FAM193A: variants seen among roughly 807,000 people sequenced by gnomAD.
FAM193A encodes protein FAM193A.
A neutral mutation model predicts 126.5 loss-of-function variants in FAM193A; 22 were observed. That is an observed-to-expected ratio of 0.17 (90% CI 0.12 to 0.25). FAM193A has a LOEUF of 0.25. Among genes scored for constraint, FAM193A ranks in the 10% least tolerant of loss-of-function variants. The probability of loss-of-function intolerance (pLI) is 1.00; values close to 1 mark genes in which losing one functional copy is unlikely to be tolerated. For missense variants in FAM193A, 1,675 were observed against 1,672.8 expected, an observed-to-expected ratio of 1.00 and a Z score of -0.02; for synonymous variants, 761 against 646.8, an observed-to-expected ratio of 1.18 and a Z score of -2.68.
intron 20 of FAM193A, chr4:2,720,171 A>G (rs1267758622): frequency 6.5e-6 from 1 of 154,370 alleles, no homozygotes; most frequent in Non-Finnish European, 1.5e-5. Flanking sequence ...TAGATCATGG[A>G]TCAGTAGATT....
chr4:2,658,013 A>C (rs1293425472), intron 8 of FAM193A, 133 bp downstream of exon 8: 1 of 675,714 alleles, frequency 1.5e-6, no homozygotes, highest in Admixed American at 2.6e-5. Context: ...GCCAGCGTTA[A>C]AAACTGTTCA....
At chr4:2,572,963 G>A (rs1739378949) in intron 1 of FAM193A, among the ~76,000 whole-genome samples, 1 of 151,994 alleles carries the variant, frequency 6.6e-6, no homozygotes, top group African/African-American at 2.4e-5. Flanking sequence ...TCTGACTTCA[G>A]AAATGATTTC....
In FAM193A at chr4:2,600,202, A is replaced by G. The variant is rs1463645101; in HGVS notation, c.501+3873A>G. Among the ~76,000 whole-genome samples the G allele has an allele frequency of 2.0e-5, 3 of 152,110 alleles. No individual in the cohort carries two copies. The South Asian group carries it at 6.2e-4, about 32-fold the overall frequency. On this transcript the variant is annotated intron_variant, in intron 2 of 20. Transcript: ENST00000637812. The stretch of plus-strand genomic sequence containing the variant: ...CGTGAGCCACTGCGCCTGACCTGCC[A>G]TAGTTCTTTGACCTCATCCATCCCT...
chr4:2,611,359 C>T (rs562274382), intron 2 of FAM193A, among the ~76,000 whole-genome samples: 2 of 152,270 alleles, frequency 1.3e-5, no homozygotes, highest in South Asian at 4.1e-4. Flanking sequence ...GCCTCCACCT[C>T]CCAGGTTCAA....
At chr4:2,650,764 C>T (rs1038830862) in intron 7 of FAM193A, among the ~76,000 whole-genome samples, 35 of 152,178 alleles carry the variant, frequency 2.3e-4, no homozygotes, top group African/African-American at 8.2e-4. Context: ...GCATAGGACC[C>T]TGCCTACCTT....
chr4:2,596,128 T>C lies in FAM193A; in HGVS notation c.300T>C (p.Pro100=). The C allele has an allele frequency of 1.4e-6, 1 of 702,980 alleles. No individual in the cohort carries two copies. Among genetic ancestry groups the C allele is most frequent in the South Asian group, 1.5e-5 (1 of 67,600 alleles). 43.5% of individuals were successfully genotyped at this position (702,980 alleles called of 1,614,324 possible). A position where few individuals can be genotyped will look rare whatever the true frequency, so the allele number is the denominator to read the frequency against. The change falls in exon 2 of 21, where the codon CCT becomes CCC. Residue 100 remains proline (P), a synonymous_variant. Transcript: ENST00000637812. ...TGAATCATAGGACACCACCCTACCC[T>C]GCTGGGGATTATTGTCTTCTGTGCA... The part of the protein sequence containing the change: ...FGMNHRTPPY[P]AGDYCLLCRS...
At chr4:2,540,285 C>T (rs987998534) in intron 1 of FAM193A, among the ~76,000 whole-genome samples, 1 of 151,804 alleles carries the variant, frequency 6.6e-6, no homozygotes, top group Non-Finnish European at 1.5e-5. Context: ...CTGGCTAACA[C>T]AGTGAAACCC....
chr4:2,609,659 G>A (rs1359489064), intron 2 of FAM193A, among the ~76,000 whole-genome samples: 2 of 152,346 alleles, frequency 1.3e-5, no homozygotes, highest in East Asian at 3.9e-4. Flanking sequence ...GGCGGCCTAG[G>A]CCGATCACGC....
chr4:2,616,556 G>T (rs1263876614), intron 2 of FAM193A, among the ~76,000 whole-genome samples: 2 of 151,298 alleles, frequency 1.3e-5, no homozygotes, highest in Admixed American at 1.3e-4. Context: ...TCTTTTAAAT[G>T]AATTGAATTT....
intron 1 of FAM193A, among the ~76,000 whole-genome samples, chr4:2,544,776 A>G (rs1273729456): frequency 6.6e-6 from 1 of 152,008 alleles, no homozygotes; most frequent in Non-Finnish European, 1.5e-5. Context: ...GGCTCAGGCT[A>G]GAGAATTGCT....
intron 1 of FAM193A, among the ~76,000 whole-genome samples, chr4:2,553,200 T>G (rs911645591): frequency 2.0e-5 from 3 of 151,956 alleles, no homozygotes; most frequent in Non-Finnish European, 4.4e-5. Context: ...TATGGTGTTG[T>G]ATGCTGTAGC....
intron 4 of FAM193A, among the ~76,000 whole-genome samples, chr4:2,628,540 G>C (rs1743203817): frequency 6.6e-6 from 1 of 152,252 alleles, no homozygotes; most frequent in South Asian, 2.1e-4. Flanking sequence ...GGGAGGCTGA[G>C]GCAGGAGGAG....
At chr4:2,703,975 A>C (rs1295022155) in intron 19 of FAM193A, among the ~76,000 whole-genome samples, 1 of 151,776 alleles carries the variant, frequency 6.6e-6, no homozygotes, top group Non-Finnish European at 1.5e-5. Context: ...CTGTCTCTTA[A>C]AATTTAAAGC....
intron 13 of FAM193A, among the ~76,000 whole-genome samples, chr4:2,676,865 C>G (rs1415717893): frequency 1.3e-5 from 2 of 151,874 alleles, no homozygotes; most frequent in Non-Finnish European, 2.9e-5. Flanking sequence ...GGCGTGAACC[C>G]GGAAGGTGGA....
At chr4:2,661,134 T>C (rs938023529) in intron 10 of FAM193A, among the ~76,000 whole-genome samples, 7 of 152,226 alleles carry the variant, frequency 4.6e-5, no homozygotes, top group Non-Finnish European at 1.5e-5. Flanking sequence ...TGGAAGAAAT[T>C]GGCTGTGGGA....
chr4:2,624,899 A>G (rs1410703587), intron 2 of FAM193A, among the ~76,000 whole-genome samples: 1 of 152,186 alleles, frequency 6.6e-6, no homozygotes, highest in Non-Finnish European at 1.5e-5. Flanking sequence ...TCTGTCACCC[A>G]GACAGGAGTG....
rs371842733 is a variant in FAM193A at position 2,693,701 on chromosome 4, A to G, written c.2919A>G (p.Ser973=). The G allele has an allele frequency of 5.4e-5, 87 of 1,613,862 alleles. No individual in the cohort carries two copies. The African/African-American group carries it at 1.1e-3, about 20-fold the overall frequency. Residue 973 remains serine (S), a synonymous_variant, in exon 16 of 21, where the codon TCA becomes TCG. Transcript: ENST00000637812. ...CAGCGCTCTCGCCTGCTGCGCTGTC[A>G]CCTGCTGCGCTCTCACCTGCCTCCA... ...PLPALSPAAL[S]PAALSPASTP...
intron 2 of FAM193A, among the ~76,000 whole-genome samples, chr4:2,616,090 G>A (rs1299799303): frequency 6.6e-6 from 1 of 152,050 alleles, no homozygotes; most frequent in East Asian, 1.9e-4. Context: ...TTGAGCCACC[G>A]CGCCCGGCCG....
chr4:2,652,308 C>A (rs1745747687), intron 7 of FAM193A, among the ~76,000 whole-genome samples: 1 of 152,222 alleles, frequency 6.6e-6, no homozygotes, highest in Non-Finnish European at 1.5e-5. Context: ...ACTCCCACCT[C>A]CCTTTCTCCT....
Sources: gnomAD v4.1 joint callset for allele counts (sites outside exome capture counted in the v4.1 genomes callset) on GRCh38, gnomAD v4.1.1 for gene constraint, MANE v1.5 for transcripts, NCBI Gene and HGNC (gene_info 2026-07-23, HGNC 2026-07-21) for gene names.